Variants in EPG5 observed in about 807,000 individuals in gnomAD.
The protein encoded by EPG5 is ectopic P granules protein 5 homolog.
A neutral mutation model predicts 302.7 loss-of-function variants in EPG5; 159 were observed. The ratio of observed to expected loss-of-function variants is 0.53; its 90% confidence interval spans 0.46 to 0.60. EPG5 has a LOEUF of 0.60. Ranked by LOEUF, EPG5 falls within the 20% of genes least tolerant of loss-of-function variation. The pLI is 0.00. For missense variants in EPG5, 2,896 were observed against 3,092.4 expected (o/e 0.94, Z 1.51); for synonymous variants, 1,158 against 1,136.8 (o/e 1.02, Z -0.37).
At chr18:45,871,600 TA>T (rs1195829271) in intron 35 of EPG5, among the ~76,000 whole-genome samples, 1 of 152,208 alleles carries the variant, frequency 6.6e-6, no homozygotes, top group Admixed American at 6.5e-5. Flanking sequence ...CAGTCTGCCT[TA>T]GAAGAGGAGG....
the EPG5 span, among the ~76,000 whole-genome samples, chr18:45,839,448 G>T: frequency 6.6e-6 from 1 of 152,260 alleles, no homozygotes; most frequent in Non-Finnish European, 1.5e-5. Flanking sequence ...AAATAGCACC[G>T]TTCCTGAGGA....
chr18:45,896,600 G>A (rs752189686), intron 27 of EPG5, among the ~76,000 whole-genome samples: 73 of 151,536 alleles, frequency 4.8e-4, no homozygotes, highest in Non-Finnish European at 7.4e-4. Context: ...GCTGGAGTGC[G>A]GTGGCACAGT....
chr18:45,899,501 T>C lies in EPG5; in HGVS notation c.4712A>G (p.Lys1571Arg). The C allele has an allele frequency of 6.2e-7, 1 of 1,614,232 alleles. No individual in the cohort carries two copies. Among genetic ancestry groups the C allele is most frequent in the Non-Finnish European group, 8.5e-7 (1 of 1,180,038 alleles). The change falls in exon 27 of 44, where the codon AAG becomes AGG. Residue 1571 changes from lysine (K) to arginine (R), a missense_variant. Coordinates refer to ENST00000282041, the MANE Select transcript of EPG5 (RefSeq NM_020964.3). ...CTGTTCTTCACGATTCACATACTGC[T>C]TTGGCATTGTGTCTAACAGCTCACC... is the stretch of plus-strand genomic sequence containing the variant. Reference protein sequence around the residue: ...LDGELLDTMPKQYVNREEQTT... With the variant: ...LDGELLDTMPRQYVNREEQTT...
At chr18:45,842,482 T>C in the EPG5 span, 1 of 358,978 alleles carries the variant, frequency 2.8e-6, no homozygotes, top group Non-Finnish European at 5.1e-6. Flanking sequence ...AGCTTGAGCG[T>C]GAAACTTCCA....
At position 45,876,361 on chromosome 18, in the gene EPG5, C is replaced by T. The variant is rs374965833; in HGVS notation, c.5943-19G>A. The T allele has an allele frequency of 3.0e-5, 47 of 1,590,998 alleles. No homozygotes were observed. The highest frequency in any genetic ancestry group is 3.6e-5 in the Non-Finnish European group (42 of 1,159,038). ...TTGGCTGCTTTAAAGAAAAGAAGCA[C>T]ACACTTAGGAATGCAACCGTGATTA... On this transcript the variant is annotated intron_variant, in intron 34 of 43. Transcript: ENST00000282041.
chr18:45,801,371 G>C, the EPG5 span, among the ~76,000 whole-genome samples: 1 of 152,140 alleles, frequency 6.6e-6, no homozygotes, highest in Non-Finnish European at 1.5e-5. Flanking sequence ...GTCTCACTAT[G>C]TTGTCCAGGC....
At chr18:45,921,800 C>T (rs1021983150) in intron 16 of EPG5, among the ~76,000 whole-genome samples, 14 of 151,596 alleles carry the variant, frequency 9.2e-5, no homozygotes, top group African/African-American at 3.2e-4. Context: ...CATCACACAC[C>T]AGGGCCTGTC....
At chr18:45,889,375 A>G (rs2049289866) in intron 28 of EPG5, among the ~76,000 whole-genome samples, 1 of 152,346 alleles carries the variant, frequency 6.6e-6, no homozygotes, top group Middle Eastern at 3.4e-3. Context: ...CAGTCATCTG[A>G]GTTGACAAGG....
chr18:45,956,184 T>C (rs1489547649), intron 1 of EPG5, among the ~76,000 whole-genome samples: 2 of 152,190 alleles, frequency 1.3e-5, no homozygotes, highest in African/African-American at 2.4e-5. Context: ...CAATAGGATA[T>C]TCCCAGTAAT....
At chr18:45,879,557 CA>C (rs2049046307) in intron 32 of EPG5, among the ~76,000 whole-genome samples, 1 of 152,132 alleles carries the variant, frequency 6.6e-6, no homozygotes, top group Admixed American at 6.5e-5. Context: ...TTAGTAGAGA[CA>C]GGGTTTCACC....
At chr18:45,804,808 T>C in the EPG5 span, among the ~76,000 whole-genome samples, 3 of 151,836 alleles carry the variant, frequency 2.0e-5, no homozygotes, top group South Asian at 4.1e-4. Flanking sequence ...AACTAGCAAA[T>C]AGAAAAAACT....
chr18:45,855,038 T>C (rs755224407), intron 43 of EPG5, among the ~76,000 whole-genome samples: 3 of 151,838 alleles, frequency 2.0e-5, no homozygotes, highest in African/African-American at 7.2e-5. Flanking sequence ...AGCATGTCCA[T>C]AGGTTATAGG....
intron 9 of EPG5, among the ~76,000 whole-genome samples, chr18:45,942,784 A>T (rs952932303): frequency 2.6e-5 from 4 of 152,154 alleles, no homozygotes; most frequent in African/African-American, 7.2e-5. Context: ...TAAAGCAGAA[A>T]AAAGAGTATA....
At chr18:45,900,846 T>G (rs1486258027) in intron 26 of EPG5, 150 bp downstream of exon 26, 2 of 619,078 alleles carry the variant, frequency 3.2e-6, no homozygotes, top group Non-Finnish European at 5.3e-6. Context: ...TTGTCACAAC[T>G]TGGTTAACCA....
At chr18:45,838,199 ATGGCAAT>A in the EPG5 span, among the ~76,000 whole-genome samples, 1 of 152,208 alleles carries the variant, frequency 6.6e-6, no homozygotes, top group Non-Finnish European at 1.5e-5. Flanking sequence ...AGACAAGTGA[ATGGCAAT>A]CCTAAATATG....
At chr18:45,913,992 C>T (rs574159810) in intron 20 of EPG5, among the ~76,000 whole-genome samples, 164 bp from the exon 21 acceptor site, 7 of 152,114 alleles carry the variant, frequency 4.6e-5, no homozygotes, top group African/African-American at 1.7e-4. Flanking sequence ...ATATCCTTGT[C>T]GCAGATATAA....
At chr18:45,887,637 G>A in intron 29 of EPG5, 114 bp downstream of exon 29, 1 of 884,274 alleles carries the variant, frequency 1.1e-6, no homozygotes. Context: ...TCTGACTTGG[G>A]TAAGACTCTG....
chr18:45,841,160 A>C, the EPG5 span: 3 of 152,266 alleles, frequency 2.0e-5, no homozygotes, highest in African/African-American at 7.3e-5. Flanking sequence ...TTCCCTGGGG[A>C]GGGGGCCCGC....
At chr18:45,860,435 G>A in intron 39 of EPG5, 89 bp from the exon 40 acceptor site, 2 of 1,537,466 alleles carry the variant, frequency 1.3e-6, no homozygotes, top group East Asian at 2.3e-5. Context: ...AATCTTAGCT[G>A]TTCTCCAGGC....
Sources: gnomAD v4.1 joint callset for allele counts (sites outside exome capture counted in the v4.1 genomes callset) on GRCh38, gnomAD v4.1.1 for gene constraint, MANE v1.5 for transcripts, NCBI Gene and HGNC (gene_info 2026-07-23, HGNC 2026-07-21) for gene names.